PRKCA: variants seen among roughly 807,000 people sequenced by gnomAD.
PRKCA encodes the protein protein kinase C alpha, also known as protein kinase C alpha type.
PRKCA carries 27 observed loss-of-function variants against 87.0 expected under a neutral mutation model. That is an observed-to-expected ratio of 0.31 (90% CI 0.23 to 0.43). PRKCA has a LOEUF of 0.43. Ranked by LOEUF, PRKCA falls within the 20% of genes least tolerant of loss-of-function variation. PRKCA has a pLI of 1.00. For synonymous variants in PRKCA, 329 were observed against 311.1 expected (o/e 1.06, Z -0.61); for missense variants, 518 against 852.3 (o/e 0.61, Z 4.88).
intron 2 of PRKCA, among the ~76,000 whole-genome samples, chr17:66,348,096 C>A (rs1350775297): frequency 1.3e-5 from 2 of 151,760 alleles, no homozygotes; most frequent in Non-Finnish European, 2.9e-5. Flanking sequence ...CACACGCCAC[C>A]ACGCCCGGCT....
intron 3 of PRKCA, among the ~76,000 whole-genome samples, chr17:66,535,662 C>T (rs1280347541): frequency 1.3e-5 from 2 of 152,160 alleles, no homozygotes; most frequent in South Asian, 2.1e-4. Context: ...GTGTCAGTTC[C>T]CTGTTGGATC....
intron 8 of PRKCA, among the ~76,000 whole-genome samples, chr17:66,716,681 TTGGC>T (rs1034264470): frequency 3.9e-5 from 6 of 151,976 alleles, no homozygotes; most frequent in African/African-American, 1.5e-4. Flanking sequence ...AAAAATTTGG[TTGGC>T]TGCAAAGAAA....
chr17:66,719,031 C>T (rs1370735759), intron 8 of PRKCA, among the ~76,000 whole-genome samples: 1 of 152,112 alleles, frequency 6.6e-6, no homozygotes, highest in Non-Finnish European at 1.5e-5. Flanking sequence ...TGCAGCTGGG[C>T]ACAAGGGTAC....
At chr17:66,568,571 G>A (rs185710115) in intron 3 of PRKCA, among the ~76,000 whole-genome samples, 1 of 152,174 alleles carries the variant, frequency 6.6e-6, no homozygotes, top group Non-Finnish European at 1.5e-5. Context: ...CAGCTCATTC[G>A]TATAGCTGGT....
intron 3 of PRKCA, among the ~76,000 whole-genome samples, chr17:66,553,710 C>G (rs1244142926): frequency 6.6e-6 from 1 of 152,242 alleles, no homozygotes; most frequent in African/African-American, 2.4e-5. Context: ...GGAACTGAGT[C>G]TTCCTGCTGA....
intron 2 of PRKCA, among the ~76,000 whole-genome samples, chr17:66,368,336 ATATGTG>A: frequency 4.4e-5 from 1 of 22,634 alleles, no homozygotes; most frequent in South Asian, 1.9e-3. Flanking sequence ...GTGTGTGTAT[ATATGTG>A]TGTGTGTGTG....
chr17:66,439,514 T>C (rs962955406), intron 2 of PRKCA, among the ~76,000 whole-genome samples: 4 of 152,202 alleles, frequency 2.6e-5, no homozygotes, highest in Non-Finnish European at 4.4e-5. Flanking sequence ...AAAAATTATG[T>C]TGCTCTACCA....
chr17:66,309,390 C>T (rs1337083322), intron 2 of PRKCA, among the ~76,000 whole-genome samples: 3 of 152,234 alleles, frequency 2.0e-5, no homozygotes, highest in Non-Finnish European at 2.9e-5. Context: ...AAGGGAAGGG[C>T]GTTTCTCTGG....
intron 2 of PRKCA, among the ~76,000 whole-genome samples, chr17:66,424,772 CAG>C (rs886344862): frequency 6.7e-6 from 1 of 149,220 alleles, no homozygotes; most frequent in Non-Finnish European, 1.5e-5. Context: ...TTTTTTGTGA[CAG>C]AGTCTTGCTG....
At chr17:66,774,862 A>T (rs1039601265) in intron 14 of PRKCA, 2 of 985,196 alleles carry the variant, frequency 2.0e-6, no homozygotes, top group African/African-American at 3.5e-5. Context: ...ATTTTCACTG[A>T]AGTCCAGTGA....
chr17:66,636,401 G>GT (rs1448287248), intron 3 of PRKCA, among the ~76,000 whole-genome samples: 2 of 152,226 alleles, frequency 1.3e-5, no homozygotes, highest in African/African-American at 4.8e-5. Flanking sequence ...TTAGCAGACA[G>GT]TTTAACAAAA....
chr17:66,476,190 A>T (rs1052885408), intron 2 of PRKCA, among the ~76,000 whole-genome samples: 14 of 152,116 alleles, frequency 9.2e-5, no homozygotes, highest in African/African-American at 3.4e-4. Context: ...GTGAGTCACC[A>T]TGCCCAGCCA....
At chr17:66,438,921 A>G (rs1427711230) in intron 2 of PRKCA, among the ~76,000 whole-genome samples, 1 of 152,194 alleles carries the variant, frequency 6.6e-6, no homozygotes, top group Non-Finnish European at 1.5e-5. Flanking sequence ...TGGGAACTAC[A>G]ATTCAAGATG....
intron 2 of PRKCA, among the ~76,000 whole-genome samples, chr17:66,374,367 G>A (rs988682143): frequency 2.0e-5 from 3 of 152,180 alleles, no homozygotes; most frequent in Admixed American, 2.0e-4. Context: ...CGCCTCCTAA[G>A]AGACTGTTGG....
chr17:66,553,909 G>C (rs1251641044), intron 3 of PRKCA, among the ~76,000 whole-genome samples: 2 of 152,184 alleles, frequency 1.3e-5, no homozygotes, highest in African/African-American at 2.4e-5. Context: ...GAGTCTCCTT[G>C]AAAGTACAGT....
chr17:66,797,823 T>A (rs1216972562), intron 16 of PRKCA, among the ~76,000 whole-genome samples: 1 of 152,232 alleles, frequency 6.6e-6, no homozygotes, highest in Admixed American at 6.5e-5. Context: ...CTCTGTCCCA[T>A]ACCCATCGTG....
intron 2 of PRKCA, among the ~76,000 whole-genome samples, chr17:66,391,250 C>T (rs780323778): frequency 6.6e-6 from 1 of 152,196 alleles, no homozygotes; most frequent in Non-Finnish European, 1.5e-5. Context: ...CCGGGTGCTT[C>T]AAGACATCAT....
In PRKCA at chr17:66,640,352, G is replaced by A. The variant is rs918011440; in HGVS notation, c.289-1003G>A. Among the ~76,000 whole-genome samples, 100 of 152,284 alleles carry A rather than the reference G, an allele frequency of 6.6e-4. 2 individuals are homozygous for A. The highest frequency in any genetic ancestry group is 1.8e-4 in the Non-Finnish European group (12 of 68,016). On this transcript the variant is annotated intron_variant, in intron 3 of 16. Coordinates refer to ENST00000413366, the MANE Select transcript of PRKCA (RefSeq NM_002737.3). ...CCTATCCATAATCTGTGAGTTGAGG[G>A]ACAAAAGCTTAAAAATCTAAAGAAA...
At chr17:66,345,652 G>A (rs372688681) in intron 2 of PRKCA, among the ~76,000 whole-genome samples, 1 of 152,068 alleles carries the variant, frequency 6.6e-6, no homozygotes, top group East Asian at 1.9e-4. Flanking sequence ...CTGACTGTAC[G>A]ACAGTCCTGA....
Sources: gnomAD v4.1 joint callset for allele counts (sites outside exome capture counted in the v4.1 genomes callset) on GRCh38, gnomAD v4.1.1 for gene constraint, MANE v1.5 for transcripts, NCBI Gene and HGNC (gene_info 2026-07-23, HGNC 2026-07-21) for gene names.